The following PLXDC2 variants were observed in gnomAD, a reference collection of about 807,000 sequenced individuals.
PLXDC2 encodes plexin domain containing 2.
Under a neutral mutation model 68.9 loss-of-function variants are expected in PLXDC2, and 40 were observed. The ratio of observed to expected loss-of-function variants is 0.58; its 90% CI spans 0.45 to 0.76. The LOEUF is 0.76. Among genes scored for constraint, PLXDC2 ranks in the 30% least tolerant of loss-of-function variants. The pLI is 0.00. For missense variants in PLXDC2, 644 were observed against 661.9 expected, an observed-to-expected ratio of 0.97 and a Z score of 0.30; for synonymous variants, 243 against 234.2, an observed-to-expected ratio of 1.04 and a Z score of -0.34.
chr10:19,881,113 C>T (rs928604199), intron 1 of PLXDC2, among the ~76,000 whole-genome samples: 4 of 151,738 alleles, frequency 2.6e-5, no homozygotes, highest in Admixed American at 6.6e-5. Context: ...GTGTAAGATG[C>T]GATTTTTTTT....
intron 4 of PLXDC2, among the ~76,000 whole-genome samples, chr10:20,100,895 A>AC (rs1463260976): frequency 6.6e-6 from 1 of 151,984 alleles, no homozygotes; most frequent in African/African-American, 2.4e-5. Context: ...AATTAAAAAA[A>AC]AAAATTAACA....
chr10:20,139,674 A>G (rs979008048), intron 4 of PLXDC2, among the ~76,000 whole-genome samples: 4 of 152,230 alleles, frequency 2.6e-5, no homozygotes, highest in Non-Finnish European at 4.4e-5. Context: ...CTATGCAGCC[A>G]TAAAAAAGGA....
chr10:19,882,437 T>G (rs151269827), intron 1 of PLXDC2, among the ~76,000 whole-genome samples: 1 of 152,188 alleles, frequency 6.6e-6, no homozygotes, highest in East Asian at 1.9e-4. Flanking sequence ...AGGTTAATAA[T>G]GGAAAAGCAA....
At chr10:19,832,441 A>G (rs548427888) in intron 1 of PLXDC2, among the ~76,000 whole-genome samples, 1 of 152,346 alleles carries the variant, frequency 6.6e-6, no homozygotes, top group South Asian at 2.1e-4. Flanking sequence ...TAGCCATTAT[A>G]TCTCATATTC....
chr10:20,055,335 T>C (rs1355450289), intron 3 of PLXDC2, among the ~76,000 whole-genome samples: 1 of 152,150 alleles, frequency 6.6e-6, no homozygotes, highest in East Asian at 1.9e-4. Flanking sequence ...ATTTGCATAA[T>C]GTTTATGTTG....
intron 3 of PLXDC2, among the ~76,000 whole-genome samples, chr10:20,057,491 A>C (rs1201212629): frequency 1.3e-5 from 2 of 152,100 alleles, no homozygotes; most frequent in Non-Finnish European, 2.9e-5. Flanking sequence ...CCAGGTTTCT[A>C]TGTGGATTGC....
intron 1 of PLXDC2, among the ~76,000 whole-genome samples, chr10:19,883,769 A>G (rs537439293): frequency 6.6e-6 from 1 of 150,398 alleles, no homozygotes; most frequent in African/African-American, 2.5e-5. Context: ...ATTAAATTCT[A>G]TGTGCCTTTC....
At chr10:20,146,374 T>A (rs954705856) in intron 5 of PLXDC2, among the ~76,000 whole-genome samples, 1 of 151,842 alleles carries the variant, frequency 6.6e-6, no homozygotes, top group Non-Finnish European at 1.5e-5. Flanking sequence ...CCTTCCTTCC[T>A]CCCTCCCTCC....
intron 4 of PLXDC2, among the ~76,000 whole-genome samples, chr10:20,079,257 C>A (rs1836509200): frequency 6.6e-6 from 1 of 152,052 alleles, no homozygotes; most frequent in South Asian, 2.1e-4. Context: ...TGAAAAAAAG[C>A]TCATCATCAC....
At chr10:20,009,774 G>T (rs1289381863) in intron 2 of PLXDC2, among the ~76,000 whole-genome samples, 1 of 149,904 alleles carries the variant, frequency 6.7e-6, no homozygotes, top group Non-Finnish European at 1.5e-5. Flanking sequence ...CCAGGAGCAA[G>T]ATTTTAAACT....
intron 1 of PLXDC2, among the ~76,000 whole-genome samples, chr10:19,989,484 TGTG>T (rs972486923): frequency 3.9e-5 from 6 of 152,184 alleles, no homozygotes; most frequent in African/African-American, 1.4e-4. Flanking sequence ...ATATTTATTA[TGTG>T]GTGCTGAAAT....
intron 4 of PLXDC2, among the ~76,000 whole-genome samples, chr10:20,085,986 C>A (rs1210911992): frequency 6.6e-6 from 1 of 152,190 alleles, no homozygotes; most frequent in Non-Finnish European, 1.5e-5. Flanking sequence ...TCAATAGAAT[C>A]TAATTACTTT....
intron 1 of PLXDC2, among the ~76,000 whole-genome samples, chr10:19,904,084 G>A (rs745616533): frequency 6.6e-6 from 1 of 151,958 alleles, no homozygotes; most frequent in Non-Finnish European, 1.5e-5. Flanking sequence ...ATTTACTGAG[G>A]CTTGTTTTGT....
At chr10:19,831,397 G>A (rs1836689418) in intron 1 of PLXDC2, among the ~76,000 whole-genome samples, 1 of 152,088 alleles carries the variant, frequency 6.6e-6, no homozygotes, top group African/African-American at 2.4e-5. Flanking sequence ...TAGGCAGTGG[G>A]AAACCATGAA....
intron 2 of PLXDC2, among the ~76,000 whole-genome samples, chr10:20,014,018 A>G (rs749359714): frequency 3.9e-5 from 6 of 152,214 alleles, no homozygotes; most frequent in Non-Finnish European, 7.4e-5. Flanking sequence ...CATGTTACCA[A>G]TTGTACCAGA....
chr10:20,226,358 ATTC>A (rs773885426), intron 12 of PLXDC2, among the ~76,000 whole-genome samples: 24 of 152,232 alleles, frequency 1.6e-4, no homozygotes, highest in Non-Finnish European at 2.4e-4. Context: ...GTCCAACACA[ATTC>A]TTCTTTTTCC....
intron 4 of PLXDC2, among the ~76,000 whole-genome samples, chr10:20,081,103 C>T (rs1261264973): frequency 6.6e-6 from 1 of 152,144 alleles, no homozygotes; most frequent in Non-Finnish European, 1.5e-5. Flanking sequence ...TGAAATACAC[C>T]TAGAGCCTTC....
chr10:20,134,594 C>T (rs183865595), intron 4 of PLXDC2, among the ~76,000 whole-genome samples: 1 of 152,226 alleles, frequency 6.6e-6, no homozygotes, highest in African/African-American at 2.4e-5. Context: ...GCATGACAGG[C>T]ATGGATCCTG....
intron 1 of PLXDC2, among the ~76,000 whole-genome samples, chr10:19,826,540 G>C (rs1836573810): frequency 6.6e-6 from 1 of 152,136 alleles, no homozygotes; most frequent in Non-Finnish European, 1.5e-5. Flanking sequence ...AAATCAAGTT[G>C]ACTTGTGAGG....
Sources: gnomAD v4.1 joint callset for allele counts (sites outside exome capture counted in the v4.1 genomes callset) on GRCh38, gnomAD v4.1.1 for gene constraint, MANE v1.5 for transcripts, NCBI Gene and HGNC (gene_info 2026-07-23, HGNC 2026-07-21) for gene names.